LIMCH1: variants seen among roughly 807,000 people sequenced by gnomAD.
LIMCH1 encodes the protein LIM and calponin homology domains-containing protein 1.
In LIMCH1, 113 loss-of-function variants were observed where a neutral mutation model predicts 176.5. The ratio of observed to expected loss-of-function variants is 0.64; its 90% CI spans 0.55 to 0.75. The LOEUF (loss-of-function observed/expected upper bound fraction) is 0.75. Ranked by LOEUF, LIMCH1 falls within the 30% of genes least tolerant of loss-of-function variation. The pLI is 0.00. For missense variants in LIMCH1, 1,674 were observed against 1,814.9 expected, an observed-to-expected ratio of 0.92 and a Z score of 1.41; for synonymous variants, 619 against 645.9, an observed-to-expected ratio of 0.96 and a Z score of 0.63.
At chr4:41,451,844 C>T (rs1396069769) in intron 1 of LIMCH1, among the ~76,000 whole-genome samples, 2 of 152,130 alleles carry the variant, frequency 1.3e-5, no homozygotes, top group Non-Finnish European at 2.9e-5. Flanking sequence ...TTATTCTGCA[C>T]AAAATTTCAT....
chr4:41,690,394 TA>T (rs1724559799), intron 30 of LIMCH1, among the ~76,000 whole-genome samples: 3 of 152,180 alleles, frequency 2.0e-5, no homozygotes, highest in Non-Finnish European at 4.4e-5. Flanking sequence ...CTCTTGGTAA[TA>T]AGTAGGTGAG....
rs1715220234 is a variant in LIMCH1 at position 41,680,942 on chromosome 4, T to C, written c.3613-13T>C. 1.4e-6 allele frequency: 2 copies of C among 1,451,804 alleles called. No individual in the cohort carries two copies. The allele number at this position is 1,451,804 out of a possible 1,614,324, so 89.9% of individuals were successfully genotyped here. A position where few individuals can be genotyped will look rare whatever the true frequency, so the allele number is the denominator to read the frequency against. Reference sequence around the variant, plus strand: ...TTTTCCCCCCTTTCATCGATTCCTGTCCTTCCCCTTAGGAGCGTAAGATAA... The same window carrying C: ...TTTTCCCCCCTTTCATCGATTCCTGCCCTTCCCCTTAGGAGCGTAAGATAA... On this transcript the variant is annotated splice_polypyrimidine_tract_variant and intron_variant, in intron 24 of 31. Coordinates refer to ENST00000503057, the MANE Select transcript of LIMCH1 (RefSeq NM_001330672.2).
At chr4:41,372,759 C>T (rs1031599820) in intron 1 of LIMCH1, among the ~76,000 whole-genome samples, 5 of 152,072 alleles carry the variant, frequency 3.3e-5, no homozygotes, top group Admixed American at 6.5e-5. Context: ...TGCCTGGGTA[C>T]TACATAAAGC....
At chr4:41,477,880 A>T (rs1301795997) in intron 1 of LIMCH1, among the ~76,000 whole-genome samples, 1 of 152,222 alleles carries the variant, frequency 6.6e-6, no homozygotes, top group Admixed American at 6.5e-5. Context: ...GTGTTCATTT[A>T]AAAATATACC....
At chr4:41,511,870 T>A (rs1479833382) in intron 2 of LIMCH1, among the ~76,000 whole-genome samples, 1 of 152,178 alleles carries the variant, frequency 6.6e-6, no homozygotes, top group Non-Finnish European at 1.5e-5. Flanking sequence ...CAATCATTTT[T>A]TATATATAAC....
chr4:41,516,576 A>G (rs6447080), intron 2 of LIMCH1, among the ~76,000 whole-genome samples: 78,934 of 152,000 alleles, frequency 0.52, 23,664 homozygotes, highest in African/African-American at 0.83. Context: ...CATAATTTCC[A>G]GACAGCAGGA....
intron 18 of LIMCH1, among the ~76,000 whole-genome samples, chr4:41,654,456 G>A (rs1244137745): frequency 1.3e-5 from 2 of 152,186 alleles, no homozygotes; most frequent in African/African-American, 4.8e-5. Flanking sequence ...TAAGTTGGGT[G>A]TATTCAGTAC....
At chr4:41,364,888 T>A (rs1465800824) in intron 1 of LIMCH1, among the ~76,000 whole-genome samples, 6 of 152,100 alleles carry the variant, frequency 3.9e-5, no homozygotes, top group Non-Finnish European at 8.8e-5. Context: ...TCCCTTTTAT[T>A]ATTTCCTTCT....
At chr4:41,504,858 T>C (rs1206165284) in intron 2 of LIMCH1, among the ~76,000 whole-genome samples, 1 of 152,244 alleles carries the variant, frequency 6.6e-6, no homozygotes, top group Non-Finnish European at 1.5e-5. Context: ...TTAAATCCTA[T>C]GAAATTGTGT....
At chr4:41,416,620 T>G (rs1330815846) in intron 1 of LIMCH1, among the ~76,000 whole-genome samples, 1 of 147,544 alleles carries the variant, frequency 6.8e-6, no homozygotes, top group Non-Finnish European at 1.5e-5. Flanking sequence ...ATCATGCCAC[T>G]GCACTCCAGC....
chr4:41,564,442 TG>T (rs2082447890), intron 1 of LIMCH1, among the ~76,000 whole-genome samples: 1 of 152,160 alleles, frequency 6.6e-6, no homozygotes, highest in Non-Finnish European at 1.5e-5. Context: ...AAATACTTAT[TG>T]AGTACATAGT....
chr4:41,635,330 C>T (rs1354582236), intron 13 of LIMCH1, among the ~76,000 whole-genome samples: 2 of 151,862 alleles, frequency 1.3e-5, no homozygotes, highest in Non-Finnish European at 2.9e-5. Context: ...CCCATTCAAG[C>T]GATTCTTATG....
intron 1 of LIMCH1, among the ~76,000 whole-genome samples, chr4:41,579,193 T>G (rs2084991425): frequency 6.6e-6 from 1 of 152,160 alleles, no homozygotes; most frequent in South Asian, 2.1e-4. Context: ...AAAATGATTA[T>G]GTAAGTCTAC....
intron 31 of LIMCH1, among the ~76,000 whole-genome samples, chr4:41,695,262 G>T (rs946844617): frequency 2.0e-5 from 3 of 149,886 alleles, no homozygotes; most frequent in African/African-American, 7.3e-5. Flanking sequence ...TGGATTATAG[G>T]TTTCTTAGGA....
intron 1 of LIMCH1, among the ~76,000 whole-genome samples, chr4:41,540,719 G>GA (rs1174106977): frequency 2.0e-5 from 3 of 150,432 alleles, no homozygotes; most frequent in Non-Finnish European, 4.4e-5. Context: ...AGCCTGAAAA[G>GA]AAAAAAAAAG....
intron 1 of LIMCH1, among the ~76,000 whole-genome samples, chr4:41,375,173 G>A (rs1010566151): frequency 5.3e-5 from 8 of 152,186 alleles, no homozygotes; most frequent in Non-Finnish European, 1.0e-4. Context: ...GGGAAGGAAG[G>A]AAATAATTAA....
rs547803443 is a variant in LIMCH1 at position 41,397,863 on chromosome 4, GC to G, written c.96+36928del. Among the ~76,000 whole-genome samples, 371 of 152,090 alleles carry G rather than the reference GC, an allele frequency of 2.4e-3. 5 individuals carry two copies. Among genetic ancestry groups the G allele is most frequent in the African/African-American group, 8.4e-3 (349 of 41,498 alleles). ...ATTTCTCTAGATTATTTTCTTAGATGCGTAGAGTTTATAATGGTTATGTCTT... is the reference window on the plus strand; with the variant it reads ...ATTTCTCTAGATTATTTTCTTAGATGGTAGAGTTTATAATGGTTATGTCTT... On this transcript the variant is annotated intron_variant, in intron 1 of 26. Coordinates refer to the LIMCH1 transcript ENST00000313860.
intron 1 of LIMCH1, among the ~76,000 whole-genome samples, chr4:41,468,541 C>G (rs1261777041): frequency 6.6e-6 from 1 of 151,470 alleles, no homozygotes; most frequent in Non-Finnish European, 1.5e-5. Flanking sequence ...AACATTCATA[C>G]ATTTTACCAC....
intron 7 of LIMCH1, among the ~76,000 whole-genome samples, chr4:41,625,528 C>G (rs1328161143): frequency 6.6e-6 from 1 of 152,196 alleles, no homozygotes; most frequent in Non-Finnish European, 1.5e-5. Flanking sequence ...TTAAAAGACT[C>G]AAGCAATTAG....
Sources: gnomAD v4.1 joint callset for allele counts (sites outside exome capture counted in the v4.1 genomes callset) on GRCh38, gnomAD v4.1.1 for gene constraint, MANE v1.5 for transcripts, NCBI Gene and HGNC (gene_info 2026-07-23, HGNC 2026-07-21) for gene names.